Variants in SLC6A7 observed in about 807,000 individuals in gnomAD.
SLC6A7 encodes the protein solute carrier family 6 member 7, also known as sodium-dependent proline transporter.
Under a neutral mutation model 73.1 loss-of-function variants are expected in SLC6A7, and 58 were observed. The ratio of observed to expected loss-of-function variants is 0.79; its 90% CI spans 0.64 to 0.99. The LOEUF (loss-of-function observed/expected upper bound fraction) is 0.99. Ranked by LOEUF, SLC6A7 falls within the 50% of genes least tolerant of loss-of-function variation. The pLI, the probability that SLC6A7 is intolerant of heterozygous loss-of-function variation, is 0.00. For synonymous variants in SLC6A7, 338 were observed against 338.7 expected (o/e 1.00, Z 0.02); for missense variants, 783 against 831.4 (o/e 0.94, Z 0.72).
intron 4 of SLC6A7, among the ~76,000 whole-genome samples, chr5:150,198,049 GAGAAAGAA>G (rs1554115584): frequency 0.068 from 7,085 of 103,586 alleles, 279 homozygotes; most frequent in Admixed American, 0.085. Context: ...AAAGAAGAAA[GAGAAAGAA>G]AGAAAGAAAG....
rs73796364 is a variant in SLC6A7 at position 150,205,746 on chromosome 5, C to G, written c.1701+123C>G. 1,386 of 842,308 alleles carry G rather than the reference C, an allele frequency of 1.6e-3. 15 individuals carry two copies. The African/African-American group carries it at 0.022, about 13-fold the overall frequency. 52.2% of individuals were successfully genotyped at this position (842,308 alleles called of 1,614,324 possible). ...TCCAGCTTCTTTTAGCCTGAGGAGACTTGCCTGGGCTGAGGCAGATTCAGG... is the reference window on the plus strand; with the variant it reads ...TCCAGCTTCTTTTAGCCTGAGGAGAGTTGCCTGGGCTGAGGCAGATTCAGG... On this transcript the variant is annotated intron_variant, in intron 13 of 13. Coordinates refer to ENST00000230671, the MANE Select transcript of SLC6A7 (RefSeq NM_014228.5).
At chr5:150,195,274 C>T (rs75427098) in intron 2 of SLC6A7, 13,075 of 190,250 alleles carry the variant, frequency 0.069, 526 homozygotes, top group African/African-American at 0.099. Context: ...CCACCCCCTC[C>T]TTCCTCCACC....
At chr5:150,192,170 G>T (rs1281580035) in intron 1 of SLC6A7, among the ~76,000 whole-genome samples, 2 of 152,118 alleles carry the variant, frequency 1.3e-5, no homozygotes, top group African/African-American at 4.8e-5. Flanking sequence ...TGGACTTAGA[G>T]TCAGGGGATC....
chr5:150,208,213 C>T (rs904835056), intron 13 of SLC6A7, among the ~76,000 whole-genome samples: 1 of 151,774 alleles, frequency 6.6e-6, no homozygotes, highest in Non-Finnish European at 1.5e-5. Flanking sequence ...AAAAGGAGTA[C>T]AGGAATAAAT....
intron 1 of SLC6A7, among the ~76,000 whole-genome samples, chr5:150,193,784 G>C (rs1318537658): frequency 3.3e-5 from 5 of 152,152 alleles, no homozygotes; most frequent in Non-Finnish European, 2.9e-5. Context: ...CATATTGTCT[G>C]CATCTTTCTT....
Position 150,204,823 on chromosome 5 carries a change from G to A in SLC6A7, c.1433-4G>A, listed in dbSNP as rs371331140. ...GGCCATTCCTCCTCCCCTCCCCTGTGCAGGCATTCAGAGGTTCTGCCGAGA... is the reference window on the plus strand; with the variant it reads ...GGCCATTCCTCCTCCCCTCCCCTGTACAGGCATTCAGAGGTTCTGCCGAGA... On this transcript the variant is annotated splice_polypyrimidine_tract_variant and splice_region_variant and intron_variant, in intron 11 of 13. Coordinates refer to ENST00000230671, the MANE Select transcript of SLC6A7 (RefSeq NM_014228.5). The A allele has an allele frequency of 1.4e-5, 22 of 1,605,264 alleles. No individual in the cohort carries two copies. The African/African-American group carries it at 2.5e-4, about 19-fold the overall frequency.
chr5:150,197,220 C>G lies in SLC6A7; in HGVS notation c.528C>G (p.Asn176Lys), dbSNP rs753309865. 1 of 1,613,726 alleles carries G rather than the reference C, an allele frequency of 6.2e-7. No individual in the cohort carries two copies. Among genetic ancestry groups the G allele is most frequent in the Non-Finnish European group, 8.5e-7 (1 of 1,179,944 alleles). Residue 176 changes from asparagine to lysine, a missense_variant, in exon 4 of 14, where the codon AAC becomes AAG. Coordinates refer to ENST00000230671, the MANE Select transcript of SLC6A7 (RefSeq NM_014228.5). ...AGCACAGAGTCTCCAAGGACGGCAA[C>G]GGGGCCCTGCCCCTCAACCTCACCT... ...CLEHRVSKDG[N>K]GALPLNLTCT... is the part of the protein sequence containing the mutation.
intron 6 of SLC6A7, among the ~76,000 whole-genome samples, chr5:150,201,924 G>C (rs1442394553): frequency 6.6e-6 from 1 of 152,208 alleles, no homozygotes; most frequent in Non-Finnish European, 1.5e-5. Flanking sequence ...GCGGTCCAGA[G>C]GGGTGACCTG....
At chr5:150,197,756 A>T (rs993799891) in intron 4 of SLC6A7, among the ~76,000 whole-genome samples, 2 of 152,200 alleles carry the variant, frequency 1.3e-5, no homozygotes, top group Admixed American at 6.5e-5. Context: ...ATAAATATTT[A>T]TTGAGCAACT....
chr5:150,201,334 C>A (rs549272662), intron 6 of SLC6A7, 111 bp downstream of exon 6: 3 of 597,460 alleles, frequency 5.0e-6, no homozygotes, highest in South Asian at 5.2e-5. Context: ...GCCCTTCTTG[C>A]GTCTTTTTTA....
At chr5:150,209,154 A>T (rs1753839653) in intron 13 of SLC6A7, among the ~76,000 whole-genome samples, 1 of 152,236 alleles carries the variant, frequency 6.6e-6, no homozygotes, top group Non-Finnish European at 1.5e-5. Context: ...ACAGACCAGG[A>T]AGCAGAGCAC....
intron 1 of SLC6A7, among the ~76,000 whole-genome samples, 197 bp downstream of exon 1, chr5:150,190,557 G>A (rs1752732049): frequency 6.6e-6 from 1 of 152,220 alleles, no homozygotes; most frequent in Non-Finnish European, 1.5e-5. Context: ...GCCATCTGGG[G>A]TTCGGGATGT....
chr5:150,205,322 G>A (rs559447903), intron 12 of SLC6A7, 134 bp from the exon 13 acceptor site: 16 of 672,156 alleles, frequency 2.4e-5, no homozygotes, highest in East Asian at 5.6e-5. Flanking sequence ...TTCAGGGTTC[G>A]GTACAGCTTA....
intron 13 of SLC6A7, among the ~76,000 whole-genome samples, chr5:150,206,608 G>T (rs536072934): frequency 2.4e-4 from 36 of 152,210 alleles, no homozygotes; most frequent in Admixed American, 7.2e-4. Context: ...TGCTCAGGAG[G>T]CAGAAGTGGT....
intron 13 of SLC6A7, among the ~76,000 whole-genome samples, chr5:150,207,749 C>T (rs773280887): frequency 2.6e-5 from 4 of 152,104 alleles, no homozygotes; most frequent in African/African-American, 4.8e-5. Context: ...AATATCAGTG[C>T]GGGCGGATGG....
chr5:150,194,739 A>G lies in SLC6A7; in HGVS notation c.45A>G (p.Pro15=). 6.2e-7 allele frequency: 1 copy of G among 1,613,736 alleles called. No individual in the cohort carries two copies. The highest frequency in any genetic ancestry group is 8.5e-7 in the Non-Finnish European group (1 of 1,179,822). Residue 15 remains proline (P), a synonymous_variant, in exon 2 of 14, where the codon CCA becomes CCG. Coordinates refer to ENST00000230671, the MANE Select transcript of SLC6A7 (RefSeq NM_014228.5). The stretch of plus-strand genomic sequence containing the variant: ...TCTCTCATTGGCAGCCTGTCACCCC[A>G]GACCTGCTGATGACCCCCAGTGACC... ...QGAHLRKPVT[P]DLLMTPSDQG...
chr5:150,206,083 G>A (rs1478226489), intron 13 of SLC6A7, among the ~76,000 whole-genome samples: 1 of 152,190 alleles, frequency 6.6e-6, no homozygotes, highest in African/African-American at 2.4e-5. Flanking sequence ...TTTGGGGAGG[G>A]ACTCAGACAA....
chr5:150,203,820 G>GGGGTGTGTGT (rs1554116763), intron 9 of SLC6A7, 41 bp downstream of exon 9: 2 of 802,522 alleles, frequency 2.5e-6, no homozygotes, highest in East Asian at 2.8e-5. Flanking sequence ...GTGTGTGTGT[G>GGGGTGTGTGT]GTGTGTGTGT....
Position 150,205,502 on chromosome 5 carries a change from G to A in SLC6A7, c.1580G>A (p.Gly527Asp). ...SIVKYQPSEY[G>D]SYRFPPWAEL... ...GTCAAGTACCAGCCCTCGGAGTATG[G>A]CAGTTACCGCTTCCCGCCCTGGGCT... Residue 527 changes from glycine to aspartate, a missense_variant, in exon 13 of 14, where the codon GGC (glycine) becomes GAC (aspartate). Gly to Asp is a moderately conservative substitution (Grantham distance 94, BLOSUM62 -1). Coordinates refer to ENST00000230671, the MANE Select transcript of SLC6A7 (RefSeq NM_014228.5). The A allele has an allele frequency of 1.9e-6, 3 of 1,613,346 alleles. No individual in the cohort carries two copies. Among genetic ancestry groups the A allele is most frequent in the Non-Finnish European group, 2.5e-6 (3 of 1,179,618 alleles).
Sources: gnomAD v4.1 joint callset for allele counts (sites outside exome capture counted in the v4.1 genomes callset) on GRCh38, gnomAD v4.1.1 for gene constraint, MANE v1.5 for transcripts, NCBI Gene and HGNC (gene_info 2026-07-23, HGNC 2026-07-21) for gene names.